The following AGPAT3 variants were observed in gnomAD, a reference collection of about 807,000 sequenced individuals.
AGPAT3 encodes 1-acylglycerol-3-phosphate O-acyltransferase 3.
A neutral mutation model predicts 47.3 loss-of-function variants in AGPAT3; 5 were observed. That is an observed-to-expected ratio of 0.11 (90% CI 0.06 to 0.22). The LOEUF is 0.22. Among genes scored for constraint, AGPAT3 ranks in the 10% least tolerant of loss-of-function variants. AGPAT3 has a pLI of 1.00. For missense variants in AGPAT3, 315 were observed against 493.0 expected, an observed-to-expected ratio of 0.64 and a Z score of 3.42; for synonymous variants, 212 against 208.3, an observed-to-expected ratio of 1.02 and a Z score of -0.15.
intron 1 of AGPAT3, among the ~76,000 whole-genome samples, chr21:43,893,562 T>A (rs2086147372): frequency 6.6e-6 from 1 of 152,266 alleles, no homozygotes; most frequent in African/African-American, 2.4e-5. Flanking sequence ...CTATCTCGGC[T>A]TTCACCACAC....
rs567557827 is a variant in AGPAT3 at position 43,973,823 on chromosome 21, A to G, written c.767+2333A>G. Among the ~76,000 whole-genome samples the G allele has an allele frequency of 1.4e-3, 208 of 152,254 alleles. 1 individual carries two copies. The highest frequency in any genetic ancestry group is 4.3e-3 in the African/African-American group (177 of 41,560). ...CCAGGGCCATGGGGAAGCAGGGCCAATGTGTGCAGGACGGCTGCAGGGCTC... is the reference window on the plus strand; with the variant it reads ...CCAGGGCCATGGGGAAGCAGGGCCAGTGTGTGCAGGACGGCTGCAGGGCTC... On this transcript the variant is annotated intron_variant, in intron 7 of 9. Coordinates refer to ENST00000291572, the MANE Select transcript of AGPAT3 (RefSeq NM_020132.5).
At chr21:43,918,700 C>T (rs1236382561) in intron 2 of AGPAT3, among the ~76,000 whole-genome samples, 5 of 151,796 alleles carry the variant, frequency 3.3e-5, no homozygotes, top group Non-Finnish European at 7.4e-5. Flanking sequence ...GATTCTCCTC[C>T]TGAGTAGCTG....
chr21:43,948,572 G>A (rs979324576), intron 2 of AGPAT3, among the ~76,000 whole-genome samples: 3 of 152,146 alleles, frequency 2.0e-5, no homozygotes, highest in Admixed American at 1.3e-4. Flanking sequence ...GGTAGTGGCA[G>A]GTAGGTAACT....
At chr21:43,918,095 T>TGTGG (rs2086793515) in intron 2 of AGPAT3, among the ~76,000 whole-genome samples, 3 of 133,850 alleles carry the variant, frequency 2.2e-5, no homozygotes, top group Non-Finnish European at 4.7e-5. Context: ...TTGTGGGTGT[T>TGTGG]GTGTTGTGGG....
intron 1 of AGPAT3, among the ~76,000 whole-genome samples, chr21:43,887,254 A>G (rs1374854973): frequency 6.6e-6 from 1 of 152,168 alleles, no homozygotes. Context: ...TGAAATATTC[A>G]CCATCTTCCT....
intron 4 of AGPAT3, among the ~76,000 whole-genome samples, chr21:43,968,600 C>T (rs777095656): frequency 3.3e-5 from 5 of 151,944 alleles, no homozygotes; most frequent in East Asian, 1.9e-4. Flanking sequence ...CCTCCTGGGG[C>T]GTCTCTTTGA....
At chr21:43,925,809 G>T (rs970304562) in intron 2 of AGPAT3, among the ~76,000 whole-genome samples, 4 of 152,252 alleles carry the variant, frequency 2.6e-5, no homozygotes, top group Non-Finnish European at 5.9e-5. Context: ...CTGTCAGGAC[G>T]TGCCACAGCA....
intron 7 of AGPAT3, among the ~76,000 whole-genome samples, chr21:43,977,227 A>G (rs896185170): frequency 6.6e-6 from 1 of 152,176 alleles, no homozygotes; most frequent in Non-Finnish European, 1.5e-5. Context: ...GAAATCAGCT[A>G]TTTCATAATG....
intron 2 of AGPAT3, among the ~76,000 whole-genome samples, chr21:43,918,101 G>GTGTTA (rs2086794114): frequency 1.7e-5 from 2 of 120,356 alleles, no homozygotes; most frequent in Non-Finnish European, 3.5e-5. Context: ...GTGTTGTGTT[G>GTGTTA]TGGGTGTTGT....
At position 43,906,969 on chromosome 21, in the gene AGPAT3, C is replaced by T. The variant is rs1050917537; in HGVS notation, c.-49+2950C>T. 2.6e-5 allele frequency among the ~76,000 whole-genome samples: 4 copies of T among 151,674 alleles called. No homozygotes were observed. In the East Asian group the frequency reaches 7.7e-4, roughly 29 times the overall value. On this transcript the variant is annotated intron_variant, in intron 2 of 9. Transcript: ENST00000291572. The stretch of plus-strand genomic sequence containing the variant: ...GGAACAGGAAGGGTAGCTGCCCTGG[C>T]AGGAGGCAAAGGAGGCCCAGGGGGC...
chr21:43,967,818 AT>A (rs1035925253), intron 3 of AGPAT3, 127 bp from the exon 4 acceptor site: 2 of 948,088 alleles, frequency 2.1e-6, no homozygotes, highest in African/African-American at 3.3e-5. Flanking sequence ...AGTGTAAGTC[AT>A]CAAAACTCAT....
At chr21:43,924,213 GA>G (rs1167261833) in intron 2 of AGPAT3, among the ~76,000 whole-genome samples, 1 of 149,172 alleles carries the variant, frequency 6.7e-6, no homozygotes, top group African/African-American at 2.5e-5. Context: ...TTTTAGCAGA[GA>G]CGGGGTTTCA....
rs200193131 is a variant in AGPAT3, at chr21:43,984,693, T to G, written c.*2301T>G. The G allele has an allele frequency of 0.023, 2,802 of 123,890 alleles. 91 individuals are homozygous for G. The highest frequency in any genetic ancestry group is 0.079 in the African/African-American group (2,348 of 29,560). 7.7% of individuals were successfully genotyped at this position (123,890 alleles called of 1,614,324 possible). The stretch of plus-strand genomic sequence containing the variant: ...CATGAATGTTTGAATTTTTTTTTTT[T>G]GGGGGGGGGAGGGTGGATTTTGCTT... On this transcript the variant is annotated 3_prime_UTR_variant, in exon 10 of 10. Coordinates refer to ENST00000291572, the MANE Select transcript of AGPAT3 (RefSeq NM_020132.5).
At chr21:43,969,082 T>G (rs752165624) in intron 4 of AGPAT3, 36 bp from the exon 5 acceptor site, 1 of 1,610,928 alleles carries the variant, frequency 6.2e-7, no homozygotes, top group South Asian at 1.1e-5. Flanking sequence ...TGTCCGACGC[T>G]GAAGTGCCAG....
At chr21:43,873,380 A>G (rs1466858214) in intron 1 of AGPAT3, among the ~76,000 whole-genome samples, 2 of 152,188 alleles carry the variant, frequency 1.3e-5, no homozygotes, top group Non-Finnish European at 2.9e-5. Flanking sequence ...ATCAAGGTAA[A>G]GCACGCGCAC....
Position 43,922,555 on chromosome 21 carries a change from C to G in AGPAT3, c.-49+18536C>G, listed in dbSNP as rs2086922756. 1.3e-5 allele frequency among the ~76,000 whole-genome samples: 2 copies of G among 152,328 alleles called. No homozygotes were observed. The highest frequency in any genetic ancestry group is 3.4e-3 in the Middle Eastern group (1 of 294). ...CCTGTGTCCCTGGAAGAGAGGCCTG[C>G]ATGGCAGGGGGCACAGAGACTCTGG... On this transcript the variant is annotated intron_variant, in intron 2 of 9. Transcript: ENST00000291572. This position sits in a 1 kb window ranked among gnomAD's most constrained non-coding sequence, Gnocchi z 4.9.
chr21:43,985,164 A>C lies in AGPAT3; in HGVS notation c.*2772A>C, dbSNP rs1346880770. On this transcript the variant is annotated 3_prime_UTR_variant, in exon 10 of 10. Transcript: ENST00000291572. ...GCCTCCCAGCTTAGGCCCAGGTGCC[A>C]GGTGTCATGGGGTCTCCTGCCCATC... is the stretch of plus-strand genomic sequence containing the variant. The C allele has an allele frequency of 2.2e-6, 1 of 456,186 alleles. No homozygotes were observed. Among genetic ancestry groups the C allele is most frequent in the Non-Finnish European group, 4.4e-6 (1 of 226,970 alleles). The allele number at this position is 456,186 out of a possible 1,614,324, so 28.3% of individuals were successfully genotyped here.
chr21:43,877,598 A>G (rs2085762327), intron 1 of AGPAT3, among the ~76,000 whole-genome samples: 1 of 152,022 alleles, frequency 6.6e-6, no homozygotes, highest in African/African-American at 2.4e-5. Flanking sequence ...ATGCACCACC[A>G]TGCCCTGCTA....
At chr21:43,978,948 ATCC>A (rs1212112151) in intron 8 of AGPAT3, among the ~76,000 whole-genome samples, 2 of 152,160 alleles carry the variant, frequency 1.3e-5, no homozygotes, top group Non-Finnish European at 2.9e-5. Context: ...TAACCAGGAA[ATCC>A]TCCCAGGATG....
Sources: allele counts gnomAD v4.1 joint callset (sites outside exome capture counted in the v4.1 genomes callset), GRCh38; gene constraint gnomAD v4.1.1; non-coding constraint Gnocchi (gnomAD v3.1); transcripts MANE v1.5; gene names NCBI Gene and HGNC (gene_info 2026-07-23, HGNC 2026-07-21).